APBB2: variants seen among roughly 807,000 people sequenced by gnomAD.
APBB2 encodes the protein amyloid beta precursor protein binding family B member 2, also known as Fe65-like 1.
A neutral mutation model predicts 82.5 loss-of-function variants in APBB2; 38 were observed. The observed-to-expected ratio is 0.46, with a 90% confidence interval of 0.36 to 0.60. The LOEUF is 0.60. Ranked by LOEUF, APBB2 falls within the 20% of genes least tolerant of loss-of-function variation. APBB2 has a pLI of 0.00. For synonymous variants in APBB2, 341 were observed against 368.2 expected, an observed-to-expected ratio of 0.93 and a Z score of 0.85; for missense variants, 772 against 972.3, an observed-to-expected ratio of 0.79 and a Z score of 2.74.
chr4:40,994,278 C>A (rs1181925797), intron 6 of APBB2, among the ~76,000 whole-genome samples: 1 of 109,082 alleles, frequency 9.2e-6, no homozygotes, highest in African/African-American at 3.2e-5. Context: ...CAGAGCAAGA[C>A]TCATCTCAAA....
chr4:41,042,673 C>CCA (rs35412910), intron 4 of APBB2, among the ~76,000 whole-genome samples: 41,564 of 152,062 alleles, frequency 0.27, 6,676 homozygotes, highest in East Asian at 0.55. Context: ...TCTTCTTGGT[C>CCA]AGGCCATTTT....
intron 12 of APBB2, among the ~76,000 whole-genome samples, chr4:40,871,825 T>C (rs181148511): frequency 6.6e-6 from 1 of 152,244 alleles, no homozygotes; most frequent in Non-Finnish European, 1.5e-5. Context: ...TAACATCATG[T>C]TGAAGCACAC....
chr4:41,022,745 C>T (rs949683552), intron 5 of APBB2, among the ~76,000 whole-genome samples: 1 of 152,078 alleles, frequency 6.6e-6, no homozygotes, highest in East Asian at 1.9e-4. Flanking sequence ...TCAAGTAAAA[C>T]GGGAAAGGCA....
chr4:40,987,718 T>A (rs1800768659), intron 6 of APBB2, among the ~76,000 whole-genome samples: 1 of 152,202 alleles, frequency 6.6e-6, no homozygotes, highest in Admixed American at 6.5e-5. Flanking sequence ...AGTAGATATG[T>A]ACCATCATGT....
rs377258984 is a variant in APBB2 at position 40,890,375 on chromosome 4, G to A, written c.1518C>T (p.Arg506=). ...ACCCAGGGACTCACCGGCCATTGTC[G>A]CGGCCCACGCCCCACACGCGGATGC... ...IVSIRVWGVG[R]DNGRDFAYVA... Residue 506 remains arginine, a synonymous_variant, in exon 12 of 18, where the codon CGC becomes CGT. Transcript: ENST00000508593. The A allele has an allele frequency of 2.1e-5, 34 of 1,612,376 alleles. No homozygotes were observed. The highest frequency in any genetic ancestry group is 4.0e-5 in the African/African-American group (3 of 74,890).
intron 12 of APBB2, among the ~76,000 whole-genome samples, chr4:40,841,630 C>A (rs990225329): frequency 6.6e-6 from 1 of 151,950 alleles, no homozygotes; most frequent in Non-Finnish European, 1.5e-5. Flanking sequence ...CCAACCCTTA[C>A]CAATCAAATT....
intron 1 of APBB2, among the ~76,000 whole-genome samples, chr4:41,190,268 T>TG (rs1467444271): frequency 7.1e-6 from 1 of 140,790 alleles, no homozygotes; most frequent in Non-Finnish European, 1.5e-5. Context: ...TTTTTTTTTT[T>TG]TGAGATGGAG....
chr4:41,200,190 G>A (rs1047352148), intron 1 of APBB2, among the ~76,000 whole-genome samples: 7 of 152,132 alleles, frequency 4.6e-5, no homozygotes, highest in Non-Finnish European at 7.4e-5. Context: ...AAGTCAAAAT[G>A]CACTATAGAG....
chr4:41,036,765 A>G (rs1199837226), intron 4 of APBB2, among the ~76,000 whole-genome samples: 2 of 152,216 alleles, frequency 1.3e-5, no homozygotes, highest in African/African-American at 4.8e-5. Flanking sequence ...TAGAATGTGC[A>G]AGGCATTTCC....
At chr4:40,858,050 G>T (rs2154332401) in intron 12 of APBB2, among the ~76,000 whole-genome samples, 1 of 152,116 alleles carries the variant, frequency 6.6e-6, no homozygotes, top group African/African-American at 2.4e-5. Flanking sequence ...GACACCTTTT[G>T]TTTATAGCTG....
intron 12 of APBB2, among the ~76,000 whole-genome samples, chr4:40,860,955 G>GTGT: frequency 6.6e-6 from 1 of 152,136 alleles, no homozygotes; most frequent in African/African-American, 2.4e-5. Flanking sequence ...CCTTGCCTTT[G>GTGT]TGTTCTCTGG....
chr4:41,197,791 C>T, intron 1 of APBB2, among the ~76,000 whole-genome samples: 2 of 152,196 alleles, frequency 1.3e-5, no homozygotes, highest in Non-Finnish European at 1.5e-5. Context: ...TGTTCATATG[C>T]TATTTCACTA....
chr4:40,945,176 TC>T, intron 6 of APBB2, 103 bp from the exon 7 acceptor site: 1 of 793,838 alleles, frequency 1.3e-6, no homozygotes. Context: ...GTGTCCATAG[TC>T]CAAATGATTA....
chr4:40,862,516 G>C (rs1029413873), intron 12 of APBB2, among the ~76,000 whole-genome samples: 1 of 152,174 alleles, frequency 6.6e-6, no homozygotes, highest in Non-Finnish European at 1.5e-5. Flanking sequence ...CAGCACCCAG[G>C]TTAGTGGTCT....
Position 41,160,925 on chromosome 4 carries a change from C to T in APBB2, c.-416-17783G>A, listed in dbSNP as rs555148568. 1.3e-4 allele frequency among the ~76,000 whole-genome samples: 20 copies of T among 152,222 alleles called. No homozygotes were observed. In the South Asian group the frequency reaches 1.9e-3, roughly 14 times the overall value. On this transcript the variant is annotated intron_variant, in intron 1 of 17. Transcript: ENST00000508593. ...GCATTAGCTCACTTAATCCTTATGACGACCCTCTAAGGAAGGAGGTAGATA... is the reference window on the plus strand; with the variant it reads ...GCATTAGCTCACTTAATCCTTATGATGACCCTCTAAGGAAGGAGGTAGATA...
intron 6 of APBB2, among the ~76,000 whole-genome samples, chr4:40,961,542 C>T (rs1793215610): frequency 6.7e-6 from 1 of 149,358 alleles, no homozygotes; most frequent in Admixed American, 6.7e-5. Context: ...ATACCTAATG[C>T]TAGATGTCGA....
intron 1 of APBB2, among the ~76,000 whole-genome samples, chr4:41,156,091 T>TAA (rs919221129): frequency 7.1e-6 from 1 of 139,932 alleles, no homozygotes; most frequent in Non-Finnish European, 1.6e-5. Context: ...CTCAGAGACT[T>TAA]AAAAAAAAAA....
In APBB2 at chr4:41,027,334, CAT is replaced by C. The variant is rs566613601; in HGVS notation, c.19+5900_19+5901del. On this transcript the variant is annotated intron_variant, in intron 5 of 17. Coordinates refer to ENST00000508593, the MANE Select transcript of APBB2 (RefSeq NM_004307.2). Reference sequence around the variant, plus strand: ...TAACTTTTTTGTACATACACACACACATTTTTATATTTTTATAAACATATTGT... The same window carrying C: ...TAACTTTTTTGTACATACACACACACTTTTATATTTTTATAAACATATTGT... Among the ~76,000 whole-genome samples, 1,058 of 144,822 alleles carry C rather than the reference CAT, an allele frequency of 7.3e-3. 18 individuals are homozygous for C. Among genetic ancestry groups the C allele is most frequent in the African/African-American group, 0.024 (955 of 38,990 alleles).
chr4:41,052,033 C>A (rs35878673), intron 4 of APBB2, among the ~76,000 whole-genome samples: 27,483 of 151,974 alleles, frequency 0.18, 2,823 homozygotes, highest in Non-Finnish European at 0.24. Flanking sequence ...TAACTGTCAC[C>A]AACATGAATA....
Sources: gnomAD v4.1 joint callset for allele counts (sites outside exome capture counted in the v4.1 genomes callset) on GRCh38, gnomAD v4.1.1 for gene constraint, MANE v1.5 for transcripts, NCBI Gene and HGNC (gene_info 2026-07-23, HGNC 2026-07-21) for gene names.